The following DCAF8L2 variants were observed in gnomAD, a reference collection of about 807,000 sequenced individuals.
DCAF8L2 encodes the protein DDB1 and CUL4 associated factor 8 like 2.
For synonymous variants in DCAF8L2, 200 were observed against 190.9 expected (o/e 1.05, Z -0.39); for missense variants, 430 against 490.7 (o/e 0.88, Z 1.17).
At chrX:27,501,086 A>C in the DCAF8L2 span, among the ~76,000 whole-genome samples, 3 of 111,255 alleles carry the variant, frequency 2.7e-5, no homozygotes, top group Non-Finnish European at 5.7e-5. Context: ...GAGTTAAAAG[A>C]AATTTCCTGT....
At chrX:27,495,874 C>A in the DCAF8L2 span, among the ~76,000 whole-genome samples, 31 of 111,881 alleles carry the variant, frequency 2.8e-4, 1 homozygote, top group Admixed American at 2.8e-3. Flanking sequence ...TTTATTATTT[C>A]AATTTTTCTG....
upstream of DCAF8L2, among the ~76,000 whole-genome samples, chrX:27,586,170 C>G (rs964146922): frequency 6.3e-5 from 7 of 110,855 alleles, no homozygotes; most frequent in South Asian, 1.5e-3. Context: ...TTTCACCCCC[C>G]ACTCCAAGTA....
At chrX:27,471,906 A>G in the DCAF8L2 span, among the ~76,000 whole-genome samples, 1 of 110,058 alleles carries the variant, frequency 9.1e-6, no homozygotes, top group Non-Finnish European at 1.9e-5. Flanking sequence ...GAAACATTTC[A>G]TGATAAAAAA....
rs1922247169 is a variant in DCAF8L2, at chrX:27,747,282, A to AGGAGGAGGAGGAG, written c.388_389insGAGGAGGAGGAGG (p.Glu130GlyfsTer36). 1.4e-6 allele frequency: 1 copy of AGGAGGAGGAGGAG among 707,789 alleles called. No homozygotes were observed. The highest frequency in any genetic ancestry group is 3.1e-5 in the African/African-American group (1 of 32,342). The allele number at this position is 707,789 out of a possible 1,213,427, so 58.3% of individuals were successfully genotyped here. On this transcript the variant is annotated frameshift_variant, in exon 5 of 5. Transcript: ENST00000451261. LOFTEE classifies it low-confidence loss of function (END_TRUNC). ...AAGAGGAGGGAGGGGAGGAGGAGGA[A>AGGAGGAGGAGGAG]GAGGAGGAGGAGGAGGAGGAGGAGG...
chrX:27,733,599 T>C (rs1921351870), intron 4 of DCAF8L2, among the ~76,000 whole-genome samples: 1 of 112,063 alleles, frequency 8.9e-6, no homozygotes, highest in Non-Finnish European at 1.9e-5. Context: ...CAAAAAATCA[T>C]TGCCAAGGCC....
upstream of DCAF8L2, among the ~76,000 whole-genome samples, chrX:27,587,985 A>AAAAAAAAAATATATATATATATAT: frequency 4.5e-5 from 1 of 22,362 alleles, no homozygotes; most frequent in African/African-American, 9.8e-5. Context: ...TAAAAAAAAA[A>AAAAAAAAAATATATATATATATAT]ATATATATAT....
chrX:27,685,264 C>G (rs1218901722), intron 3 of DCAF8L2, among the ~76,000 whole-genome samples: 2 of 111,723 alleles, frequency 1.8e-5, no homozygotes, highest in African/African-American at 3.2e-5. Context: ...TTGATATTGC[C>G]TCTATCATTC....
chrX:27,697,768 C>T (rs1474795664), intron 3 of DCAF8L2, among the ~76,000 whole-genome samples: 2 of 110,257 alleles, frequency 1.8e-5, no homozygotes, highest in African/African-American at 6.7e-5. Context: ...CAATGAATAA[C>T]TCTTTATAAT....
At chrX:27,477,728 A>G in the DCAF8L2 span, among the ~76,000 whole-genome samples, 1 of 111,541 alleles carries the variant, frequency 9.0e-6, no homozygotes, top group East Asian at 2.8e-4. Flanking sequence ...CCCTGCATCT[A>G]CTGTATTTTA....
intron 1 of DCAF8L2, among the ~76,000 whole-genome samples, chrX:27,604,920 T>C (rs866454418): frequency 1.8e-5 from 2 of 112,155 alleles, no homozygotes; most frequent in Non-Finnish European, 3.8e-5. Context: ...TATATTTTTC[T>C]TAGCAACTAA....
intron 3 of DCAF8L2, among the ~76,000 whole-genome samples, chrX:27,713,294 C>G (rs1412165251): frequency 9.0e-6 from 1 of 111,459 alleles, no homozygotes; most frequent in East Asian, 2.8e-4. Flanking sequence ...ATAAATGCTT[C>G]AAGAAAATTG....
At chrX:27,478,325 T>C in the DCAF8L2 span, among the ~76,000 whole-genome samples, 1 of 112,284 alleles carries the variant, frequency 8.9e-6, no homozygotes, top group Non-Finnish European at 1.9e-5. Context: ...GATTTATACA[T>C]AAAAGGTGCT....
At chrX:27,587,985 A>AAATATAT, upstream of DCAF8L2, among the ~76,000 whole-genome samples, 5 of 22,365 alleles carry the variant, frequency 2.2e-4, no homozygotes, top group African/African-American at 4.9e-4. Flanking sequence ...TAAAAAAAAA[A>AAATATAT]ATATATATAT....
At chrX:27,552,586 G>A in the DCAF8L2 span, among the ~76,000 whole-genome samples, 2 of 111,789 alleles carry the variant, frequency 1.8e-5, no homozygotes, top group African/African-American at 6.5e-5. Flanking sequence ...TGGTGCCTTT[G>A]TCAAAAATCA....
intron 2 of DCAF8L2, among the ~76,000 whole-genome samples, chrX:27,674,325 C>T (rs759711209): frequency 9.0e-6 from 1 of 110,990 alleles, no homozygotes; most frequent in Admixed American, 9.6e-5. Context: ...TTATTGTGCC[C>T]CCCTTCCTAT....
chrX:27,535,095 A>T, the DCAF8L2 span, among the ~76,000 whole-genome samples: 1 of 111,871 alleles, frequency 8.9e-6, no homozygotes. Flanking sequence ...TCATTCAACA[A>T]ATATTTATTT....
chrX:27,702,426 CT>C (rs1212044372), intron 3 of DCAF8L2, among the ~76,000 whole-genome samples: 4 of 95,746 alleles, frequency 4.2e-5, no homozygotes, highest in Non-Finnish European at 8.4e-5. Context: ...AACCATATTC[CT>C]TATGAATATA....
intron 4 of DCAF8L2, among the ~76,000 whole-genome samples, chrX:27,728,000 C>T (rs1268301775): frequency 1.8e-5 from 2 of 111,424 alleles, no homozygotes; most frequent in Non-Finnish European, 3.8e-5. Context: ...ACTAGTTCTA[C>T]CTGGGTTCTG....
intron 2 of DCAF8L2, among the ~76,000 whole-genome samples, chrX:27,641,077 T>A (rs1046143643): frequency 8.9e-6 from 1 of 112,036 alleles, no homozygotes; most frequent in Non-Finnish European, 1.9e-5. Flanking sequence ...TAACACAATC[T>A]TTTTATTATT....
Sources: gnomAD v4.1 joint callset for allele counts (sites outside exome capture counted in the v4.1 genomes callset) on GRCh38, gnomAD v4.1.1 for gene constraint, MANE v1.5 for transcripts, NCBI Gene and HGNC (gene_info 2026-07-23, HGNC 2026-07-21) for gene names.